BAZ2B: variants seen among roughly 807,000 people sequenced by gnomAD.
BAZ2B encodes bromodomain adjacent to zinc finger domain protein 2B.
BAZ2B carries 91 observed loss-of-function variants against 246.0 expected under a neutral mutation model. The observed-to-expected ratio is 0.37, with a 90% CI of 0.31 to 0.44. The LOEUF (loss-of-function observed/expected upper bound fraction) is 0.44. BAZ2B is among the 20% of genes least tolerant of loss of function. The pLI is 1.00. For missense variants in BAZ2B, 2,332 were observed against 2,533.7 expected, an observed-to-expected ratio of 0.92 and a Z score of 1.71; for synonymous variants, 855 against 860.0, an observed-to-expected ratio of 0.99 and a Z score of 0.10.
At chr2:159,444,002 T>C (rs1233611298) in intron 6 of BAZ2B, 1 of 152,060 alleles carries the variant, frequency 6.6e-6, no homozygotes, top group African/African-American at 2.4e-5. Context: ...GTTAAAAGCA[T>C]GGGCATTTAA....
At position 159,433,327 on chromosome 2, in the gene BAZ2B, T is replaced by C. The variant is rs369311586; in HGVS notation, c.1330A>G (p.Lys444Glu). ...YKQAFPSQLK[K>E]QESSKSLKKV... Reference sequence around the variant, plus strand: ...TTCAGGCTCTTCGATGACTCTTGTTTCTTTAACTGTGATGGGAATGCCTGT... The same window carrying C: ...TTCAGGCTCTTCGATGACTCTTGTTCCTTTAACTGTGATGGGAATGCCTGT... Residue 444 changes from lysine to glutamate, a missense_variant, in exon 9 of 37, where the codon AAA becomes GAA. This residue lies in a region of BAZ2B where 651 missense variants were observed against 650.9 expected (regional missense o/e 1.00). Coordinates refer to ENST00000392783, the MANE Select transcript of BAZ2B (RefSeq NM_013450.4). 26 of 1,613,738 alleles carry C rather than the reference T, an allele frequency of 1.6e-5. No individual in the cohort carries two copies. Among genetic ancestry groups the C allele is most frequent in the Non-Finnish European group, 2.0e-5 (24 of 1,179,992 alleles).
intron 13 of BAZ2B, among the ~76,000 whole-genome samples, chr2:159,424,635 G>A (rs1053116340): frequency 6.6e-6 from 1 of 152,142 alleles, no homozygotes; most frequent in Non-Finnish European, 1.5e-5. Context: ...CCAGGAAAAT[G>A]TTTTAATAGG....
At chr2:159,641,200 T>C in the BAZ2B span, among the ~76,000 whole-genome samples, 3 of 152,324 alleles carry the variant, frequency 2.0e-5, no homozygotes, top group South Asian at 6.2e-4. Context: ...TGTAAAAGCA[T>C]TCCTTTTTCT....
the BAZ2B span, among the ~76,000 whole-genome samples, chr2:159,696,533 T>C: frequency 6.6e-6 from 1 of 152,156 alleles, no homozygotes. Flanking sequence ...TCTCCTCTGA[T>C]CTATCAGTAT....
chr2:159,394,961 G>A (rs888473758), intron 20 of BAZ2B, among the ~76,000 whole-genome samples: 2 of 152,106 alleles, frequency 1.3e-5, no homozygotes, highest in African/African-American at 4.8e-5. Flanking sequence ...GCTAATTTAA[G>A]CTAGAGCTGA....
At chr2:159,609,806 TA>T (rs5835754) in intron 1 of BAZ2B, among the ~76,000 whole-genome samples, 71,583 of 143,138 alleles carry the variant, frequency 0.5, 17,402 homozygotes, top group East Asian at 0.74. Flanking sequence ...GGTAGATCAA[TA>T]AAAAAAAAAA....
Position 159,400,599 on chromosome 2 carries a change from C to T in BAZ2B, c.2898G>A (p.Glu966=). ...ATTATATTAAATTTAAGACTTCTAC[C>T]TCTAGAATTTGCTGAGCTCGAAGTT... ...EKELRAQQIL[E]AKKKKKEEAA... is the part of the protein sequence containing the mutation. Residue 966 remains glutamate, a splice_region_variant and synonymous_variant, in exon 17 of 37, where the codon GAG becomes GAA. Transcript: ENST00000392783. 1 of 1,542,372 alleles carries T rather than the reference C, an allele frequency of 6.5e-7. No individual in the cohort carries two copies. Among genetic ancestry groups the T allele is most frequent in the Non-Finnish European group, 8.9e-7 (1 of 1,124,510 alleles).
At position 159,382,642 on chromosome 2, in the gene BAZ2B, C is replaced by T. The variant is rs1449704147; in HGVS notation, c.3922G>A (p.Asp1308Asn). ...TCATCATCTTCATCCCCTTGGTCAT[C>T]ACTGTCATCGTCATCATCATCGTCA... is the stretch of plus-strand genomic sequence containing the variant. Reference protein sequence around the residue: ...DYDDDDDDDSDDQGDEDDEDE... With the variant: ...DYDDDDDDDSNDQGDEDDEDE... The change falls in exon 25 of 37, where the codon GAT becomes AAT. Residue 1308 changes from aspartate (D) to asparagine (N), a missense_variant. This residue lies in a region of BAZ2B where 676 missense variants were observed against 668.6 expected (regional missense o/e 1.01). Coordinates refer to ENST00000392783, the MANE Select transcript of BAZ2B (RefSeq NM_013450.4). 6.3e-7 allele frequency: 1 copy of T among 1,585,626 alleles called. No homozygotes were observed. Among genetic ancestry groups the T allele is most frequent in the South Asian group, 1.1e-5 (1 of 88,506 alleles).
the BAZ2B span, among the ~76,000 whole-genome samples, chr2:159,687,628 A>C: frequency 6.6e-6 from 1 of 152,136 alleles, no homozygotes; most frequent in Non-Finnish European, 1.5e-5. Context: ...CTCTTTATCT[A>C]TTTGCGCATT....
In BAZ2B at chr2:159,412,386, C is replaced by T; in HGVS notation, c.2626G>A (p.Glu876Lys). 1.9e-6 allele frequency: 3 copies of T among 1,614,114 alleles called. No homozygotes were observed. The highest frequency in any genetic ancestry group is 2.5e-6 in the Non-Finnish European group (3 of 1,179,998). The change falls in exon 14 of 37, where the codon GAA becomes AAA. Residue 876 changes from glutamate (E) to lysine (K), a missense_variant. Glu to Lys is a moderately conservative substitution (Grantham distance 56). Transcript: ENST00000392783. ...KGRPPNVGNA[E>K]FLDNADAKLL... ...TTTGCATCTGCGTTATCTAGGAATT[C>T]AGCATTGCCAACATTTGGAGGTCGA...
chr2:159,404,153 T>G (rs912733586), intron 16 of BAZ2B, among the ~76,000 whole-genome samples: 4 of 152,150 alleles, frequency 2.6e-5, no homozygotes, highest in African/African-American at 9.7e-5. Flanking sequence ...TCTCCCCATT[T>G]CCTTTCTGCT....
chr2:159,330,354 C>A (rs1181644408), intron 34 of BAZ2B, among the ~76,000 whole-genome samples: 1 of 152,096 alleles, frequency 6.6e-6, no homozygotes, highest in African/African-American at 2.4e-5. Context: ...TGAGAAGAAG[C>A]AAAGACTGGA....
chr2:159,465,748 C>T (rs926653773), intron 3 of BAZ2B, among the ~76,000 whole-genome samples: 5 of 152,074 alleles, frequency 3.3e-5, no homozygotes, highest in South Asian at 2.1e-4. Context: ...ATGGTGAAAC[C>T]CTGTCTCTAC....
the BAZ2B span, among the ~76,000 whole-genome samples, chr2:159,637,647 T>C: frequency 1.3e-5 from 2 of 152,120 alleles, no homozygotes; most frequent in Admixed American, 6.6e-5. Flanking sequence ...AGCCTCAACC[T>C]CCCACACTCA....
chr2:159,510,259 T>G (rs1007286589), intron 2 of BAZ2B, among the ~76,000 whole-genome samples: 5 of 152,184 alleles, frequency 3.3e-5, no homozygotes, highest in African/African-American at 4.8e-5. Flanking sequence ...CACAGTTTAC[T>G]GCAGCCTCAA....
intron 13 of BAZ2B, among the ~76,000 whole-genome samples, chr2:159,417,182 T>G (rs1465924551): frequency 4.0e-5 from 6 of 151,126 alleles, no homozygotes; most frequent in Non-Finnish European, 7.4e-5. Context: ...TTTGTTTTTT[T>G]TTTTTTGAGC....
intron 13 of BAZ2B, among the ~76,000 whole-genome samples, chr2:159,426,108 T>C (rs1417168200): frequency 6.6e-6 from 1 of 152,190 alleles, no homozygotes; most frequent in Non-Finnish European, 1.5e-5. Flanking sequence ...TTAACATATT[T>C]GGCTTTAGTA....
intron 26 of BAZ2B, 66 bp from the exon 27 acceptor site, chr2:159,373,255 G>A: frequency 2.1e-6 from 3 of 1,436,602 alleles, no homozygotes; most frequent in Non-Finnish European, 2.8e-6. Flanking sequence ...TAATATATAT[G>A]TAACTTTATA....
At chr2:159,627,570 CAT>C in the BAZ2B span, among the ~76,000 whole-genome samples, 2 of 152,270 alleles carry the variant, frequency 1.3e-5, no homozygotes, top group South Asian at 4.1e-4. Context: ...ACAAAAACCA[CAT>C]GATTATCTCA....
Sources: gnomAD v4.1 joint callset for allele counts (sites outside exome capture counted in the v4.1 genomes callset) on GRCh38, gnomAD v4.1.1 for gene constraint, gnomAD v4.1.1 regional missense constraint, MANE v1.5 for transcripts, NCBI Gene and HGNC (gene_info 2026-07-23, HGNC 2026-07-21) for gene names.